The following ARRB1 variants were observed in gnomAD, a reference collection of about 807,000 sequenced individuals.
ARRB1 encodes arrestin beta 1, also known as beta-arrestin-1.
ARRB1 carries 21 observed loss-of-function variants against 56.8 expected under a neutral mutation model. The observed-to-expected ratio is 0.37, with a 90% CI of 0.26 to 0.53. ARRB1 has a LOEUF of 0.53. Among genes scored for constraint, ARRB1 ranks in the 20% least tolerant of loss-of-function variants. ARRB1 has a pLI of 0.88. For synonymous variants in ARRB1, 210 were observed against 218.6 expected (o/e 0.96, Z 0.35); for missense variants, 424 against 553.7 (o/e 0.77, Z 2.35).
intron 1 of ARRB1, among the ~76,000 whole-genome samples, chr11:75,302,162 C>A (rs1474472039): frequency 6.6e-6 from 1 of 151,380 alleles, no homozygotes; most frequent in Non-Finnish European, 1.5e-5. Context: ...CAGGGCAGTG[C>A]CTGGCAGGCC....
At chr11:75,325,521 C>T (rs151113340) in intron 1 of ARRB1, among the ~76,000 whole-genome samples, 2 of 152,292 alleles carry the variant, frequency 1.3e-5, no homozygotes, top group African/African-American at 4.8e-5. Flanking sequence ...AGGAGTTTCA[C>T]CATGTTGGCC....
intron 1 of ARRB1, among the ~76,000 whole-genome samples, chr11:75,346,062 C>A (rs990546693): frequency 1.4e-4 from 22 of 152,124 alleles, no homozygotes; most frequent in Non-Finnish European, 3.1e-4. Flanking sequence ...GCATCCAAGA[C>A]CTGCTGGCCA....
chr11:75,303,744 T>C (rs577178655), intron 1 of ARRB1: 12 of 454,262 alleles, frequency 2.6e-5, no homozygotes, highest in Middle Eastern at 3.5e-4. Flanking sequence ...ATGTGCCCAG[T>C]TCCGTTCCAG....
At chr11:75,328,959 T>C (rs1947479427) in intron 1 of ARRB1, among the ~76,000 whole-genome samples, 1 of 152,154 alleles carries the variant, frequency 6.6e-6, no homozygotes, top group Non-Finnish European at 1.5e-5. Context: ...CAGAAAACAC[T>C]GAACTCAGAG....
chr11:75,268,747 C>A (rs532849898), intron 14 of ARRB1, 142 bp downstream of exon 14: 3 of 816,584 alleles, frequency 3.7e-6, no homozygotes, highest in South Asian at 1.8e-5. Flanking sequence ...AGAAGCAAAT[C>A]GAGTTCTGGA....
At position 75,344,371 on chromosome 11, in the gene ARRB1, G is replaced by T. The variant is rs540035471; in HGVS notation, c.20+7217C>A. 1.3e-4 allele frequency among the ~76,000 whole-genome samples: 20 copies of T among 152,292 alleles called. No homozygotes were observed. In the South Asian group the frequency reaches 3.5e-3, roughly 27 times the overall value. Reference sequence around the variant, plus strand: ...AGCAAAAGGGCCTCTCACCTGATTTGACTTCACAGGGAAACTAGGACCCAG... The same window carrying T: ...AGCAAAAGGGCCTCTCACCTGATTTTACTTCACAGGGAAACTAGGACCCAG... On this transcript the variant is annotated intron_variant, in intron 1 of 15. Coordinates refer to ENST00000420843, the MANE Select transcript of ARRB1 (RefSeq NM_004041.5).
Position 75,265,586 on chromosome 11 carries a change from G to C in ARRB1, c.*577C>G, listed in dbSNP as rs1945889464. ...CGAACTTTCACCAACATCACTATCAGACACAGAGGGACATCAGGTGGGGAG... is the reference window on the plus strand; with the variant it reads ...CGAACTTTCACCAACATCACTATCACACACAGAGGGACATCAGGTGGGGAG... On this transcript the variant is annotated 3_prime_UTR_variant, in exon 16 of 16. Coordinates refer to ENST00000420843, the MANE Select transcript of ARRB1 (RefSeq NM_004041.5). 6.4e-6 allele frequency: 1 copy of C among 155,686 alleles called. No individual in the cohort carries two copies. Among genetic ancestry groups the C allele is most frequent in the Admixed American group, 6.3e-5 (1 of 15,806 alleles). 9.6% of individuals were successfully genotyped at this position (155,686 alleles called of 1,614,324 possible).
intron 1 of ARRB1, among the ~76,000 whole-genome samples, chr11:75,319,913 T>C (rs930216980): frequency 6.6e-6 from 1 of 152,160 alleles, no homozygotes; most frequent in African/African-American, 2.4e-5. Flanking sequence ...GTAAAGATGC[T>C]TGGCAAAGCA....
At chr11:75,336,492 C>T (rs1947604488) in intron 1 of ARRB1, among the ~76,000 whole-genome samples, 1 of 152,168 alleles carries the variant, frequency 6.6e-6, no homozygotes, top group African/African-American at 2.4e-5. Context: ...TCCTGTCCTT[C>T]ACTAATGCTT....
chr11:75,322,932 G>A (rs1283750675), intron 1 of ARRB1, among the ~76,000 whole-genome samples: 1 of 152,142 alleles, frequency 6.6e-6, no homozygotes, highest in Non-Finnish European at 1.5e-5. Flanking sequence ...GTTGTTGTGA[G>A]GATTAAATGA....
intron 5 of ARRB1, 150 bp downstream of exon 5, chr11:75,283,137 A>G (rs1387203585): frequency 1.3e-6 from 1 of 792,292 alleles, no homozygotes; most frequent in Non-Finnish European, 1.9e-6. Context: ...TTACCAGGTA[A>G]CACAGGTGAC....
chr11:75,278,691 C>T lies in ARRB1; in HGVS notation c.536G>A (p.Gly179Asp). 1 of 1,614,076 alleles carries T rather than the reference C, an allele frequency of 6.2e-7. No individual in the cohort carries two copies. The highest frequency in any genetic ancestry group is 8.5e-7 in the Non-Finnish European group (1 of 1,179,968). Residue 179 changes from glycine (G) to aspartate (D), a missense_variant, in exon 8 of 16, where the codon GGC (glycine) becomes GAC (aspartate). Around this residue, in one of 3 missense-constraint regions of ARRB1, gnomAD observed 301 missense variants for 387.9 expected, o/e 0.78. Coordinates refer to ENST00000420843, the MANE Select transcript of ARRB1 (RefSeq NM_004041.5). ...GGTGGTCTCGGCTGTGGGCTGGGGG[C>T]CAGGCCTCTCTGGGGCATACTGAAC... ...RKVQYAPERP[G>D]PQPTAETTRQ...
intron 11 of ARRB1, 44 bp downstream of exon 11, chr11:75,274,030 G>A: frequency 5.0e-6 from 8 of 1,613,348 alleles, no homozygotes; most frequent in Non-Finnish European, 6.8e-6. Context: ...GCCCCATCAG[G>A]CAAGATGCAC....
chr11:75,292,420 C>T (rs946970914), intron 1 of ARRB1, among the ~76,000 whole-genome samples: 1 of 152,196 alleles, frequency 6.6e-6, no homozygotes, highest in Non-Finnish European at 1.5e-5. Flanking sequence ...GGATTACAGG[C>T]GTGAGCCACC....
intron 1 of ARRB1, among the ~76,000 whole-genome samples, chr11:75,347,293 C>CACAG (rs1303998606): frequency 1.3e-5 from 2 of 152,230 alleles, no homozygotes; most frequent in African/African-American, 4.8e-5. Context: ...TGGCCAAAGC[C>CACAG]ACAGGACTTC....
At chr11:75,329,022 G>A (rs1355005706) in intron 1 of ARRB1, among the ~76,000 whole-genome samples, 1 of 151,774 alleles carries the variant, frequency 6.6e-6, no homozygotes, top group Non-Finnish European at 1.5e-5. Flanking sequence ...ATTGGTCACT[G>A]CACCTCTCAA....
chr11:75,272,056 G>A (rs1044464305), intron 12 of ARRB1, among the ~76,000 whole-genome samples: 6 of 152,184 alleles, frequency 3.9e-5, no homozygotes, highest in African/African-American at 9.7e-5. Context: ...GAAGGACTCC[G>A]GGGTTGCCAA....
At chr11:75,278,136 C>T (rs922831403) in intron 8 of ARRB1, among the ~76,000 whole-genome samples, 16 of 152,248 alleles carry the variant, frequency 1.1e-4, no homozygotes, top group South Asian at 2.1e-4. Context: ...GGTGCCCACA[C>T]CTTGAGGAGG....
At position 75,335,708 on chromosome 11, in the gene ARRB1, C is replaced by T. The variant is rs1003378944; in HGVS notation, c.20+15880G>A. On this transcript the variant is annotated intron_variant, in intron 1 of 15. Coordinates refer to ENST00000420843, the MANE Select transcript of ARRB1 (RefSeq NM_004041.5). Reference sequence around the variant, plus strand: ...CCTGGGGCACAACCCCAAGAGGAGCCTTCCATGCCTGGGCTGGAATCCTGG... The same window carrying T: ...CCTGGGGCACAACCCCAAGAGGAGCTTTCCATGCCTGGGCTGGAATCCTGG... Among the ~76,000 whole-genome samples the T allele has an allele frequency of 1.2e-4, 19 of 152,330 alleles. No individual in the cohort carries two copies. In the East Asian group the frequency reaches 3.5e-3, roughly 28 times the overall value.
Sources: gnomAD v4.1 joint callset for allele counts (sites outside exome capture counted in the v4.1 genomes callset) on GRCh38, gnomAD v4.1.1 for gene constraint, gnomAD v4.1.1 regional missense constraint, MANE v1.5 for transcripts, NCBI Gene and HGNC (gene_info 2026-07-23, HGNC 2026-07-21) for gene names.